ZBTB20: variants seen among roughly 807,000 people sequenced by gnomAD.
ZBTB20 encodes zinc finger and BTB domain containing 20.
A neutral mutation model predicts 56.9 loss-of-function variants in ZBTB20; 9 were observed. The observed-to-expected ratio is 0.16, with a 90% confidence interval of 0.10 to 0.28. The LOEUF is 0.28. Among genes scored for constraint, ZBTB20 ranks in the 10% least tolerant of loss-of-function variants. The pLI is 1.00. For missense variants in ZBTB20, 655 were observed against 1,003.0 expected (o/e 0.65, Z 4.69); for synonymous variants, 417 against 420.7 (o/e 0.99, Z 0.11).
At position 114,351,271 on chromosome 3, in the gene ZBTB20, G is replaced by A. The variant is rs377238031; in HGVS notation, c.807C>T (p.His269=). ...RSFYSGAVVS[H]HETALGLPRD... ...GGGGCAGGCCGAGCGCAGTCTCGTG[G>A]TGGCTGACCACTGCGCCGCTGTAAA... The change falls in exon 11 of 12, where the codon CAC becomes CAT. Residue 269 remains histidine, a synonymous_variant. Coordinates refer to ENST00000675478, the MANE Select transcript of ZBTB20 (RefSeq NM_001348800.3). The A allele has an allele frequency of 9.4e-6, 15 of 1,602,638 alleles. No individual in the cohort carries two copies. Among genetic ancestry groups the A allele is most frequent in the Non-Finnish European group, 1.2e-5 (14 of 1,178,978 alleles).
Position 114,330,931 on chromosome 3 carries a change from AC to A in ZBTB20, c.*8073del, listed in dbSNP as rs1327948858. 13 of 152,368 alleles carry A rather than the reference AC, an allele frequency of 8.5e-5. No individual in the cohort carries two copies. The highest frequency in any genetic ancestry group is 3.1e-4 in the African/African-American group (13 of 41,584). The allele number at this position is 152,368 out of a possible 1,614,324, so 9.4% of individuals were successfully genotyped here. On this transcript the variant is annotated 3_prime_UTR_variant, in exon 12 of 12. Coordinates refer to ENST00000675478, the MANE Select transcript of ZBTB20 (RefSeq NM_001348800.3). ...CAAGAGCAATCAATTCCTACAGATT[AC>A]CAAAAAACATTCCCCCCAACAGTCT...
At chr3:114,757,944 A>G (rs1478016104) in intron 5 of ZBTB20, among the ~76,000 whole-genome samples, 14 of 152,120 alleles carry the variant, frequency 9.2e-5, no homozygotes, top group Admixed American at 9.2e-4. Context: ...ATATTGTTAA[A>G]ACATCTTGCA....
intron 4 of ZBTB20, among the ~76,000 whole-genome samples, chr3:114,853,306 T>C (rs1420770387): frequency 1.3e-5 from 2 of 152,248 alleles, no homozygotes; most frequent in East Asian, 3.8e-4. Context: ...ACCTGCTGCC[T>C]ATATTTAAAA....
In ZBTB20 at chr3:114,338,857, G is replaced by A. The variant is rs1204287108; in HGVS notation, c.*148C>T. 6.8e-6 allele frequency: 6 copies of A among 888,032 alleles called. No homozygotes were observed. The highest frequency in any genetic ancestry group is 9.7e-6 in the Non-Finnish European group (6 of 618,882). 55.0% of individuals were successfully genotyped at this position (888,032 alleles called of 1,614,324 possible). ...CAGCAGGCAAAAAACAGTTCTTCATGTAGTACAAAATGAAACGAAACAAAA... is the reference window on the plus strand; with the variant it reads ...CAGCAGGCAAAAAACAGTTCTTCATATAGTACAAAATGAAACGAAACAAAA... On this transcript the variant is annotated 3_prime_UTR_variant, in exon 12 of 12. Coordinates refer to ENST00000675478, the MANE Select transcript of ZBTB20 (RefSeq NM_001348800.3).
At chr3:114,365,981 T>C (rs2082357262) in intron 10 of ZBTB20, among the ~76,000 whole-genome samples, 1 of 152,224 alleles carries the variant, frequency 6.6e-6, no homozygotes, top group Non-Finnish European at 1.5e-5. Context: ...ATGGGCATAA[T>C]GCTTACAAAT....
At chr3:114,948,005 G>A (rs1161066980) in intron 3 of ZBTB20, among the ~76,000 whole-genome samples, 1 of 145,490 alleles carries the variant, frequency 6.9e-6, no homozygotes. Flanking sequence ...AGAACATTAA[G>A]AGAAGGTAAA....
intron 2 of ZBTB20, among the ~76,000 whole-genome samples, chr3:115,051,097 T>C (rs1422155297): frequency 1.3e-5 from 2 of 152,104 alleles, no homozygotes; most frequent in Non-Finnish European, 2.9e-5. Context: ...GCTTAAGGTA[T>C]CTTGGCTAAA....
intron 6 of ZBTB20, among the ~76,000 whole-genome samples, chr3:114,559,908 G>A (rs1239412669): frequency 6.6e-6 from 1 of 152,120 alleles, no homozygotes; most frequent in Non-Finnish European, 1.5e-5. Context: ...TGTGTTTGTA[G>A]CATTCTTAGC....
chr3:114,381,047 A>G, intron 8 of ZBTB20, 107 bp from the exon 9 acceptor site: 1 of 267,108 alleles, frequency 3.7e-6, no homozygotes, highest in East Asian at 6.5e-5. Flanking sequence ...GCTCTTATTA[A>G]GATTTTATTT....
chr3:114,801,684 A>G (rs974988745), intron 4 of ZBTB20, among the ~76,000 whole-genome samples: 6 of 151,906 alleles, frequency 3.9e-5, no homozygotes, highest in African/African-American at 1.4e-4. Flanking sequence ...CTGGTGAGGT[A>G]GATGGTGAAG....
intron 6 of ZBTB20, among the ~76,000 whole-genome samples, chr3:114,613,368 A>G (rs182720573): frequency 3.3e-5 from 5 of 152,158 alleles, no homozygotes; most frequent in African/African-American, 1.2e-4. Context: ...AATAGAAGGA[A>G]ACTCCTTCAT....
chr3:114,639,293 T>C (rs913777344), intron 6 of ZBTB20, among the ~76,000 whole-genome samples: 3 of 152,006 alleles, frequency 2.0e-5, no homozygotes, highest in Non-Finnish European at 2.9e-5. Flanking sequence ...AGAGTAATTA[T>C]GGCAGGAGGT....
At chr3:114,878,575 TAAAAAAAA>T (rs10609736) in intron 4 of ZBTB20, among the ~76,000 whole-genome samples, 1 of 137,680 alleles carries the variant, frequency 7.3e-6, no homozygotes. Context: ...CTTGGAGAAT[TAAAAAAAA>T]AAAAAAAAAA....
intron 4 of ZBTB20, among the ~76,000 whole-genome samples, chr3:114,846,611 TA>T: frequency 6.6e-6 from 1 of 152,214 alleles, no homozygotes; most frequent in Non-Finnish European, 1.5e-5. Context: ...GACAAGAGGA[TA>T]TGGATCCAAC....
chr3:114,836,654 T>A (rs1010691465), intron 4 of ZBTB20, among the ~76,000 whole-genome samples: 2 of 152,040 alleles, frequency 1.3e-5, no homozygotes, highest in African/African-American at 4.8e-5. Flanking sequence ...CCACATCTAA[T>A]CCATCAATAA....
chr3:115,018,901 G>A (rs569519948), intron 2 of ZBTB20, among the ~76,000 whole-genome samples: 1 of 151,200 alleles, frequency 6.6e-6, no homozygotes, highest in African/African-American at 2.4e-5. Context: ...CATTTTTTTG[G>A]CTCTTCATAT....
intron 3 of ZBTB20, among the ~76,000 whole-genome samples, chr3:114,932,245 G>A (rs895359367): frequency 6.6e-6 from 1 of 152,184 alleles, no homozygotes; most frequent in Non-Finnish European, 1.5e-5. Context: ...AGCTGAAGGA[G>A]TGTTTGCCTA....
intron 1 of ZBTB20, among the ~76,000 whole-genome samples, chr3:115,108,106 A>G (rs2083775781): frequency 6.6e-6 from 1 of 152,132 alleles, no homozygotes; most frequent in Non-Finnish European, 1.5e-5. Context: ...ATACCTATGT[A>G]ACAAATGTAG....
At chr3:114,688,603 T>C (rs1026402644) in intron 6 of ZBTB20, among the ~76,000 whole-genome samples, 2 of 152,162 alleles carry the variant, frequency 1.3e-5, no homozygotes, top group Non-Finnish European at 2.9e-5. Flanking sequence ...CAGCCTTTCC[T>C]CTTTCCTGTT....
Sources: gnomAD v4.1 joint callset for allele counts (sites outside exome capture counted in the v4.1 genomes callset) on GRCh38, gnomAD v4.1.1 for gene constraint, MANE v1.5 for transcripts, NCBI Gene and HGNC (gene_info 2026-07-23, HGNC 2026-07-21) for gene names.